Variants in COG5 observed in about 807,000 individuals in gnomAD.
COG5 encodes the protein conserved oligomeric Golgi complex subunit 5.
COG5 carries 86 observed loss-of-function variants against 110.4 expected under a neutral mutation model. The observed-to-expected ratio is 0.78, with a 90% confidence interval of 0.65 to 0.93. The LOEUF (loss-of-function observed/expected upper bound fraction) is 0.93, where lower values mean the gene tolerates loss of function less well. Among genes scored for constraint, COG5 ranks in the 40% least tolerant of loss-of-function variants. The probability of loss-of-function intolerance (pLI) is 0.00; values close to 1 mark genes in which losing one functional copy is unlikely to be tolerated. For missense variants in COG5, 1,077 were observed against 987.0 expected (o/e 1.09, Z -1.22); for synonymous variants, 360 against 334.6 (o/e 1.08, Z -0.83).
intron 6 of COG5, among the ~76,000 whole-genome samples, chr7:107,424,342 A>C (rs1793500407): frequency 1.3e-5 from 2 of 152,048 alleles, no homozygotes; most frequent in African/African-American, 4.8e-5. Flanking sequence ...TTTTCAGAGA[A>C]GGGTGGAAGG....
chr7:107,226,619 C>T (rs551752064), intron 19 of COG5, among the ~76,000 whole-genome samples: 1 of 152,204 alleles, frequency 6.6e-6, no homozygotes, highest in African/African-American at 2.4e-5. Flanking sequence ...GCTTTCCCAA[C>T]AATGGTGCGG....
chr7:107,291,086 T>C (rs1806130505), intron 12 of COG5, among the ~76,000 whole-genome samples: 1 of 152,200 alleles, frequency 6.6e-6, no homozygotes, highest in Non-Finnish European at 1.5e-5. Flanking sequence ...CCTGGATGGA[T>C]AGGCTATTGT....
intron 14 of COG5, among the ~76,000 whole-genome samples, chr7:107,262,049 C>T (rs183160896): frequency 8.7e-4 from 133 of 152,084 alleles, no homozygotes; most frequent in African/African-American, 2.7e-3. Context: ...CGTCACCATG[C>T]GTGGCTAATT....
In COG5 at chr7:107,328,243, C is replaced by T. The variant is rs577050608; in HGVS notation, c.1027-3722G>A. On this transcript the variant is annotated intron_variant, in intron 10 of 21. Coordinates refer to ENST00000297135, the MANE Select transcript of COG5 (RefSeq NM_006348.5). The stretch of plus-strand genomic sequence containing the variant: ...TAGCCTATCACTCCTGGGCTACAAA[C>T]TTGTACATGTCATTGTAATGAATAC... Among the ~76,000 whole-genome samples the T allele has an allele frequency of 8.5e-5, 13 of 152,288 alleles. No individual in the cohort carries two copies. The East Asian group carries it at 1.9e-3, about 23-fold the overall frequency.
At chr7:107,382,357 G>A (rs1430555531) in intron 7 of COG5, among the ~76,000 whole-genome samples, 1 of 152,286 alleles carries the variant, frequency 6.6e-6, no homozygotes, top group East Asian at 1.9e-4. Flanking sequence ...ACTCCAAAAG[G>A]CCTATGTAGA....
rs1164312519 is a variant in COG5, at chr7:107,202,942, C to CTT, written c.*572_*573dup. ...TTGGGATGTGCCAGTGGTTCCTCAACTTTGTTGTCTATTGGAATCATTTTG... is the reference window on the plus strand; with the variant it reads ...TTGGGATGTGCCAGTGGTTCCTCAACTTTTTGTTGTCTATTGGAATCATTTTG... On this transcript the variant is annotated 3_prime_UTR_variant, in exon 22 of 22. Transcript: ENST00000297135. The CTT allele has an allele frequency of 6.6e-6, 1 of 152,066 alleles. No individual in the cohort carries two copies. Among genetic ancestry groups the CTT allele is most frequent in the Non-Finnish European group, 1.5e-5 (1 of 68,714 alleles). The allele number at this position is 152,066 out of a possible 1,614,324, so 9.4% of individuals were successfully genotyped here.
chr7:107,525,573 G>A (rs1474817092), intron 6 of COG5, among the ~76,000 whole-genome samples: 1 of 148,420 alleles, frequency 6.7e-6, no homozygotes, highest in Non-Finnish European at 1.5e-5. Flanking sequence ...TTTTTAAAGA[G>A]TCAAGATCTT....
chr7:107,204,158 T>A (rs796397665), intron 21 of COG5, among the ~76,000 whole-genome samples: 3 of 152,352 alleles, frequency 2.0e-5, no homozygotes, highest in African/African-American at 7.2e-5. Context: ...GCAAAATACA[T>A]GATCGGGAAG....
chr7:107,517,274 G>A (rs1799988507), intron 6 of COG5, among the ~76,000 whole-genome samples: 1 of 151,810 alleles, frequency 6.6e-6, no homozygotes, highest in African/African-American at 2.4e-5. Context: ...CTGAAATAAG[G>A]CATACAGACA....
At chr7:107,236,809 T>G (rs1348895620) in intron 17 of COG5, 122 bp from the exon 18 acceptor site, 7 of 731,030 alleles carry the variant, frequency 9.6e-6, no homozygotes, top group African/African-American at 1.8e-5. Flanking sequence ...CTTAATGGTA[T>G]AAAAGACATT....
At chr7:107,403,864 G>A (rs1242144626) in intron 7 of COG5, among the ~76,000 whole-genome samples, 2 of 151,944 alleles carry the variant, frequency 1.3e-5, no homozygotes, top group Non-Finnish European at 2.9e-5. Context: ...TAAAAATGAA[G>A]TGACAATTTA....
At chr7:107,507,574 T>G (rs1429605312) in intron 6 of COG5, among the ~76,000 whole-genome samples, 1 of 151,578 alleles carries the variant, frequency 6.6e-6, no homozygotes, top group Non-Finnish European at 1.5e-5. Context: ...CCCGAAGTGC[T>G]GGATTACAGG....
At chr7:107,543,147 A>T (rs1802166463) in intron 5 of COG5, among the ~76,000 whole-genome samples, 1 of 152,220 alleles carries the variant, frequency 6.6e-6, no homozygotes, top group South Asian at 2.1e-4. Context: ...TTGCAGACAC[A>T]TTAATTTGAA....
chr7:107,435,944 T>A (rs1289936086), intron 6 of COG5, among the ~76,000 whole-genome samples: 1 of 152,202 alleles, frequency 6.6e-6, no homozygotes, highest in Non-Finnish European at 1.5e-5. Flanking sequence ...ACATACACAA[T>A]GGAATACTAT....
At chr7:107,419,868 A>G (rs1414081766) in intron 6 of COG5, among the ~76,000 whole-genome samples, 2 of 152,144 alleles carry the variant, frequency 1.3e-5, no homozygotes, top group African/African-American at 2.4e-5. Context: ...TTGCCTGGCC[A>G]AGAGTTTATA....
intron 6 of COG5, among the ~76,000 whole-genome samples, chr7:107,519,303 A>G (rs1468856016): frequency 6.6e-6 from 1 of 152,212 alleles, no homozygotes; most frequent in Non-Finnish European, 1.5e-5. Context: ...CTAAGATCAG[A>G]GCAGAACTGA....
chr7:107,455,910 C>T (rs986366138), intron 6 of COG5, among the ~76,000 whole-genome samples: 5 of 152,280 alleles, frequency 3.3e-5, no homozygotes, highest in African/African-American at 1.2e-4. Flanking sequence ...TCTTGTGCCT[C>T]AGCCTCCCAA....
chr7:107,494,491 T>C (rs1056814250), intron 6 of COG5, among the ~76,000 whole-genome samples: 1 of 152,176 alleles, frequency 6.6e-6, no homozygotes, highest in Admixed American at 6.6e-5. Context: ...ACCTGCTCTA[T>C]GTTTAGATAT....
At chr7:107,454,670 C>A (rs954942101) in intron 6 of COG5, among the ~76,000 whole-genome samples, 14 of 151,784 alleles carry the variant, frequency 9.2e-5, no homozygotes. Context: ...TTTTCTTCCC[C>A]AACATAAACC....
Sources: gnomAD v4.1 joint callset for allele counts (sites outside exome capture counted in the v4.1 genomes callset) on GRCh38, gnomAD v4.1.1 for gene constraint, MANE v1.5 for transcripts, NCBI Gene and HGNC (gene_info 2026-07-23, HGNC 2026-07-21) for gene names.